HDGFL3: variants seen among roughly 807,000 people sequenced by gnomAD.
The protein encoded by HDGFL3 is HDGF like 3, also known as hepatoma-derived growth factor-related protein 3.
HDGFL3 carries 6 observed loss-of-function variants against 27.6 expected under a neutral mutation model. The ratio of observed to expected loss-of-function variants is 0.22; its 90% CI spans 0.12 to 0.43. HDGFL3 has a LOEUF of 0.43. Among genes scored for constraint, HDGFL3 ranks in the 20% least tolerant of loss-of-function variants. HDGFL3 has a pLI of 1.00. For missense variants in HDGFL3, 207 were observed against 250.1 expected (o/e 0.83, Z 1.16); for synonymous variants, 88 against 88.9 (o/e 0.99, Z 0.05).
chr15:83,164,134 T>A, intron 1 of HDGFL3, 59 bp from the exon 2 acceptor site: 1 of 1,015,382 alleles, frequency 9.8e-7, no homozygotes, highest in South Asian at 1.6e-5. Context: ...ATGTGAGCAT[T>A]GTTCTGATAA....
At chr15:83,165,361 C>T (rs369144424) in intron 1 of HDGFL3, among the ~76,000 whole-genome samples, 1 of 152,194 alleles carries the variant, frequency 6.6e-6, no homozygotes, top group Non-Finnish European at 1.5e-5. Flanking sequence ...AGACACTCAG[C>T]ATACAGAGTT....
intron 3 of HDGFL3, among the ~76,000 whole-genome samples, chr15:83,117,769 T>G (rs935649581): frequency 6.6e-6 from 1 of 150,558 alleles, no homozygotes; most frequent in Admixed American, 6.6e-5. Context: ...TTTTGGGGAG[T>G]TTTAGAGTAG....
At chr15:83,201,119 G>T (rs1254750203) in intron 1 of HDGFL3, among the ~76,000 whole-genome samples, 1 of 151,410 alleles carries the variant, frequency 6.6e-6, no homozygotes, top group Non-Finnish European at 1.5e-5. Flanking sequence ...TACGTATTAG[G>T]ACCACTATTG....
At chr15:83,152,693 A>C (rs1404356322) in intron 4 of HDGFL3, among the ~76,000 whole-genome samples, 5 of 151,558 alleles carry the variant, frequency 3.3e-5, no homozygotes, top group Non-Finnish European at 7.4e-5. Flanking sequence ...GAAAAAAAAA[A>C]AAAAAACAAA....
At chr15:83,177,740 T>C (rs924449859) in intron 1 of HDGFL3, among the ~76,000 whole-genome samples, 1 of 152,186 alleles carries the variant, frequency 6.6e-6, no homozygotes, top group African/African-American at 2.4e-5. Flanking sequence ...GTGGCTATTT[T>C]TGCACTTTAG....
At chr15:83,180,224 AAGG>A (rs1164839524) in intron 1 of HDGFL3, among the ~76,000 whole-genome samples, 1 of 152,176 alleles carries the variant, frequency 6.6e-6, no homozygotes, top group African/African-American at 2.4e-5. Flanking sequence ...GGGGAATAGA[AAGG>A]AGAGTTGTGG....
chr15:83,185,360 T>C (rs768487495), intron 1 of HDGFL3, among the ~76,000 whole-genome samples: 6 of 152,182 alleles, frequency 3.9e-5, no homozygotes, highest in Admixed American at 2.6e-4. Flanking sequence ...CTAGAAGTCA[T>C]AGAATGCTGG....
chr15:83,158,843 ATTTC>A (rs775980241), intron 2 of HDGFL3, among the ~76,000 whole-genome samples: 1 of 151,878 alleles, frequency 6.6e-6, no homozygotes, highest in Non-Finnish European at 1.5e-5. Context: ...ATTCACTATT[ATTTC>A]TTTCTTTTTT....
chr15:83,163,928 A>C (rs1013992789), intron 2 of HDGFL3, 71 bp downstream of exon 2: 21 of 961,856 alleles, frequency 2.2e-5, no homozygotes, highest in Non-Finnish European at 3.2e-5. Context: ...GTAAGATGTC[A>C]GAGATCATCC....
intron 1 of HDGFL3, among the ~76,000 whole-genome samples, chr15:83,190,457 C>G (rs900926666): frequency 3.3e-5 from 5 of 152,136 alleles, no homozygotes; most frequent in Non-Finnish European, 5.9e-5. Flanking sequence ...CACCCATATC[C>G]TCTTTAACAT....
At chr15:83,148,793 T>G (rs2036931639) in intron 5 of HDGFL3, among the ~76,000 whole-genome samples, 1 of 152,070 alleles carries the variant, frequency 6.6e-6, no homozygotes, top group Admixed American at 6.6e-5. Flanking sequence ...GGGAAAACAG[T>G]GCTGAGTGAA....
intron 1 of HDGFL3, among the ~76,000 whole-genome samples, chr15:83,171,171 G>A: frequency 6.6e-6 from 1 of 151,900 alleles, no homozygotes; most frequent in South Asian, 2.1e-4. Flanking sequence ...TTTACATTAG[G>A]TCTATCTCCT....
At chr15:83,145,160 T>C (rs1217448860) in intron 5 of HDGFL3, among the ~76,000 whole-genome samples, 1 of 152,102 alleles carries the variant, frequency 6.6e-6, no homozygotes. Context: ...AGGCTTTTTA[T>C]CATTATGCCC....
At chr15:83,170,358 T>C (rs2037230778) in intron 1 of HDGFL3, among the ~76,000 whole-genome samples, 1 of 152,116 alleles carries the variant, frequency 6.6e-6, no homozygotes. Context: ...ATGGTACTGG[T>C]ACAAAAACAG....
chr15:83,127,678 T>C (rs1368689060), downstream of HDGFL3: 5 of 505,774 alleles, frequency 9.9e-6, no homozygotes, highest in South Asian at 4.6e-5. Context: ...AGATGTGCCA[T>C]CCAGTTACAC....
intron 5 of HDGFL3, among the ~76,000 whole-genome samples, chr15:83,143,590 A>C (rs541439241): frequency 6.6e-6 from 1 of 152,128 alleles, no homozygotes; most frequent in South Asian, 2.1e-4. Flanking sequence ...TCAAACAAAC[A>C]AACTTTTAAT....
At chr15:83,176,383 A>G (rs1419155561) in intron 1 of HDGFL3, among the ~76,000 whole-genome samples, 1 of 152,314 alleles carries the variant, frequency 6.6e-6, no homozygotes, top group Admixed American at 6.5e-5. Flanking sequence ...GGAAATAAAA[A>G]ACTGAATTTT....
At chr15:83,179,876 T>C (rs941271045) in intron 1 of HDGFL3, 8 of 152,362 alleles carry the variant, frequency 5.3e-5, no homozygotes, top group Middle Eastern at 3.4e-3. Flanking sequence ...ATCCCTTGAA[T>C]GCATGATGTT....
rs1596574705 is a variant in HDGFL3 at position 83,207,528 on chromosome 15, C to G, written c.-114G>C. 8 of 795,862 alleles carry G rather than the reference C, an allele frequency of 1.0e-5. No homozygotes were observed. The highest frequency in any genetic ancestry group is 1.4e-5 in the Non-Finnish European group (8 of 591,972). 49.3% of individuals were successfully genotyped at this position (795,862 alleles called of 1,614,324 possible). ...CCCCGCGGGCCTCAAGCCGGGCGGA[C>G]GAGCGGCCGCTCCGACGAGGGGAAG... On this transcript the variant is annotated 5_prime_UTR_variant, in exon 1 of 6. Transcript: ENST00000299633. The surrounding 1 kb of genome is among the most constrained non-coding windows in gnomAD (Gnocchi z 4.8).
Sources: allele counts gnomAD v4.1 joint callset (sites outside exome capture counted in the v4.1 genomes callset), GRCh38; gene constraint gnomAD v4.1.1; non-coding constraint Gnocchi (gnomAD v3.1); transcripts MANE v1.5; gene names NCBI Gene and HGNC (gene_info 2026-07-23, HGNC 2026-07-21).